ANK3: variants seen among roughly 807,000 people sequenced by gnomAD.
The protein encoded by ANK3 is ankyrin-3.
In ANK3, 57 loss-of-function variants were observed where a neutral mutation model predicts 370.9. The observed-to-expected ratio is 0.15, with a 90% CI of 0.12 to 0.19. The LOEUF is 0.19. Among genes scored for constraint, ANK3 ranks in the 10% least tolerant of loss-of-function variants. ANK3 has a pLI of 1.00. For synonymous variants in ANK3, 1,929 were observed against 1,946.3 expected (o/e 0.99, Z 0.23); for missense variants, 4,439 against 5,302.1 (o/e 0.84, Z 5.06).
rs949579308 is a variant in ANK3 at position 60,220,118 on chromosome 10, G to A, written c.898-6608C>T. Among the ~76,000 whole-genome samples the A allele has an allele frequency of 2.0e-5, 3 of 152,012 alleles. 1 individual carries two copies. Among genetic ancestry groups the A allele is most frequent in the African/African-American group, 7.2e-5 (3 of 41,380 alleles). On this transcript the variant is annotated intron_variant, in intron 8 of 43. Transcript: ENST00000280772. ...AATGTAAAACCTGAAGACATCTGAT[G>A]GAGAAATAATATACAATAATCACAT... is the stretch of plus-strand genomic sequence containing the variant.
chr10:60,205,477 T>G (rs766368882), intron 11 of ANK3, among the ~76,000 whole-genome samples: 42 of 152,330 alleles, frequency 2.8e-4, no homozygotes, highest in Non-Finnish European at 5.6e-4. Flanking sequence ...GGGACAAAAC[T>G]GCACCCACTA....
chr10:60,059,195 A>C (rs992572709), intron 41 of ANK3, 145 bp downstream of exon 41: 2 of 639,140 alleles, frequency 3.1e-6, no homozygotes, highest in African/African-American at 3.6e-5. Context: ...TTTCCAGATT[A>C]GCATAATGAA....
rs114308565 is a variant in ANK3, at chr10:60,181,577, G to A, written c.2086-150C>T. Reference sequence around the variant, plus strand: ...ATGGAATAAATTTATATGCTTGGGAGGCTGAGGCAGGTGGATCACATGAGC... The same window carrying A: ...ATGGAATAAATTTATATGCTTGGGAAGCTGAGGCAGGTGGATCACATGAGC... On this transcript the variant is annotated intron_variant, in intron 17 of 43. Coordinates refer to ENST00000280772, the MANE Select transcript of ANK3 (RefSeq NM_020987.5). The A allele has an allele frequency of 1.5e-3, 1,076 of 731,180 alleles. 15 individuals carry two copies. The African/African-American group carries it at 0.018, about 12-fold the overall frequency. The allele number at this position is 731,180 out of a possible 1,614,324, so 45.3% of individuals were successfully genotyped here.
At chr10:60,114,086 C>T (rs1337119265) in intron 26 of ANK3, 139 bp downstream of exon 26, 4 of 402,638 alleles carry the variant, frequency 9.9e-6, no homozygotes, top group Non-Finnish European at 1.8e-5. Flanking sequence ...AAATACATCT[C>T]ACATATACTA....
In ANK3 at chr10:60,208,524, T is replaced by C. The variant is rs2096798273; in HGVS notation, c.997-291A>G. On this transcript the variant is annotated intron_variant, in intron 9 of 43. Coordinates refer to ENST00000280772, the MANE Select transcript of ANK3 (RefSeq NM_020987.5). ...CTTAGAGGCATATGAATTTTACTTT[T>C]CTTTTTCTTTTAAATAGAGATGGGG... Among the ~76,000 whole-genome samples, 3 of 152,220 alleles carry C rather than the reference T, an allele frequency of 2.0e-5. No individual in the cohort carries two copies. The South Asian group carries it at 6.2e-4, about 32-fold the overall frequency.
rs543128417 is a variant in ANK3 at position 60,370,928 on chromosome 10, C to A, written c.114+18497G>T. The stretch of plus-strand genomic sequence containing the variant: ...GGGAAATCGGGAGGAAAGGAGGGGG[C>A]ATAACCTAAATAAGTGGAAACCAAT... On this transcript the variant is annotated intron_variant, in intron 1 of 43. Coordinates refer to ENST00000280772, the MANE Select transcript of ANK3 (RefSeq NM_020987.5). 2.0e-5 allele frequency among the ~76,000 whole-genome samples: 3 copies of A among 152,192 alleles called. No homozygotes were observed. The South Asian group carries it at 6.2e-4, about 32-fold the overall frequency.
chr10:60,067,446 A>T (rs1287874428), intron 38 of ANK3, among the ~76,000 whole-genome samples: 1 of 152,214 alleles, frequency 6.6e-6, no homozygotes, highest in Non-Finnish European at 1.5e-5. Context: ...ATAGAGTTTT[A>T]TGTGTATATC....
intron 1 of ANK3, among the ~76,000 whole-genome samples, chr10:60,715,111 A>G (rs927881083): frequency 1.0e-4 from 15 of 146,282 alleles, no homozygotes; most frequent in African/African-American, 3.7e-4. Flanking sequence ...AACACTCTAC[A>G]TTTTCTACTC....
intron 28 of ANK3, among the ~76,000 whole-genome samples, chr10:60,099,104 C>G (rs1007687913): frequency 5.9e-5 from 9 of 152,066 alleles, no homozygotes; most frequent in African/African-American, 1.9e-4. Context: ...TTACTTTGTA[C>G]TCTGTGTGTA....
intron 2 of ANK3, among the ~76,000 whole-genome samples, chr10:60,419,870 C>T (rs900287918): frequency 2.6e-5 from 4 of 152,038 alleles, no homozygotes; most frequent in Non-Finnish European, 5.9e-5. Flanking sequence ...TTACATCCAA[C>T]CTCTCTGGGC....
intron 2 of ANK3, among the ~76,000 whole-genome samples, chr10:60,513,201 A>G (rs2076132691): frequency 1.3e-5 from 2 of 152,158 alleles, no homozygotes; most frequent in African/African-American, 4.8e-5. Context: ...TGATTGATCC[A>G]TAGGTTATGT....
intron 1 of ANK3, among the ~76,000 whole-genome samples, chr10:60,662,536 A>G (rs192840409): frequency 2.4e-4 from 36 of 152,304 alleles, no homozygotes; most frequent in Non-Finnish European, 4.3e-4. Flanking sequence ...ATGTGTATAT[A>G]TTTCTAAACA....
At chr10:60,579,350 A>AAAAAG (rs2077721517) in intron 2 of ANK3, among the ~76,000 whole-genome samples, 1 of 147,590 alleles carries the variant, frequency 6.8e-6, no homozygotes, top group Non-Finnish European at 1.5e-5. Flanking sequence ...AAAAAAAAAA[A>AAAAAG]GATATTTCTA....
At chr10:60,615,083 A>G in intron 2 of ANK3, 2 of 702,502 alleles carry the variant, frequency 2.8e-6, no homozygotes, top group Non-Finnish European at 4.3e-6. Context: ...TAAAAGGACC[A>G]TCTCCTGTAA....
intron 1 of ANK3, among the ~76,000 whole-genome samples, chr10:60,329,803 A>T (rs952765084): frequency 6.6e-6 from 1 of 152,206 alleles, no homozygotes; most frequent in Non-Finnish European, 1.5e-5. Flanking sequence ...TTCATATGGA[A>T]TCAAAAAAGA....
At chr10:60,415,779 A>G (rs759101169) in intron 2 of ANK3, among the ~76,000 whole-genome samples, 5 of 152,158 alleles carry the variant, frequency 3.3e-5, no homozygotes, top group East Asian at 1.9e-4. Flanking sequence ...AGAAAATAGT[A>G]CCTGACAAAA....
chr10:60,641,206 C>T (rs887318872), intron 1 of ANK3, among the ~76,000 whole-genome samples: 2 of 146,664 alleles, frequency 1.4e-5, no homozygotes, highest in African/African-American at 2.5e-5. Flanking sequence ...CCATACTGCC[C>T]ACGGTAATTT....
At chr10:60,121,307 G>A (rs1262120766) in intron 25 of ANK3, among the ~76,000 whole-genome samples, 3 of 150,732 alleles carry the variant, frequency 2.0e-5, no homozygotes, top group Non-Finnish European at 4.4e-5. Context: ...TAGAAAAATT[G>A]TTACCAGAGG....
chr10:60,540,106 C>G (rs1447493445), intron 2 of ANK3, among the ~76,000 whole-genome samples: 1 of 151,796 alleles, frequency 6.6e-6, no homozygotes, highest in Non-Finnish European at 1.5e-5. Context: ...CCTAACTATA[C>G]CAGGAGTGAA....
Sources: allele counts gnomAD v4.1 joint callset (sites outside exome capture counted in the v4.1 genomes callset), GRCh38; gene constraint gnomAD v4.1.1; transcripts MANE v1.5; gene names NCBI Gene and HGNC (gene_info 2026-07-23, HGNC 2026-07-21).